DHODH: variants seen among roughly 807,000 people sequenced by gnomAD.
The protein encoded by DHODH is dihydroorotate dehydrogenase (quinone).
In DHODH, 30 loss-of-function variants were observed where a neutral mutation model predicts 39.7. The observed-to-expected ratio is 0.76, with a 90% CI of 0.57 to 1.02. The LOEUF is 1.02. DHODH is among the 50% of genes least tolerant of loss of function. The pLI, the probability that DHODH is intolerant of heterozygous loss-of-function variation, is 0.00. For synonymous variants in DHODH, 222 were observed against 213.8 expected (o/e 1.04, Z -0.34); for missense variants, 531 against 520.8 (o/e 1.02, Z -0.19).
At chr16:72,022,809 G>A (rs1343277632) in intron 6 of DHODH, among the ~76,000 whole-genome samples, 1 of 152,152 alleles carries the variant, frequency 6.6e-6, no homozygotes, top group Admixed American at 6.5e-5. Context: ...GGGTCTCTGT[G>A]GCATAGGAGA....
At chr16:72,014,350 G>A (rs2041116218) in intron 2 of DHODH, 123 bp from the exon 3 acceptor site, 3 of 933,862 alleles carry the variant, frequency 3.2e-6, no homozygotes, top group Non-Finnish European at 5.1e-6. Flanking sequence ...TTGGGGGTGG[G>A]CCCTGGGATC....
At chr16:72,021,476 C>G (rs1046036497) in intron 5 of DHODH, among the ~76,000 whole-genome samples, 165 bp downstream of exon 5, 4 of 152,206 alleles carry the variant, frequency 2.6e-5, no homozygotes, top group Non-Finnish European at 5.9e-5. Flanking sequence ...CTGATCCCCT[C>G]TCATGACACT....
chr16:72,014,773 G>A (rs1457104018), intron 3 of DHODH, 101 bp downstream of exon 3: 2 of 1,170,170 alleles, frequency 1.7e-6, no homozygotes, highest in Non-Finnish European at 2.5e-6. Flanking sequence ...CATACAATGT[G>A]GACATTCTTC....
intron 3 of DHODH, chr16:72,016,662 G>T: frequency 2.8e-6 from 1 of 359,838 alleles, no homozygotes; most frequent in Admixed American, 3.8e-5. Context: ...CTAGAGAGAT[G>T]GAGTGGCTGC....
In DHODH at chr16:72,020,706, A is replaced by G. The variant is rs190715108; in HGVS notation, c.518-418A>G. 7.2e-5 allele frequency among the ~76,000 whole-genome samples: 11 copies of G among 152,210 alleles called. No individual in the cohort carries two copies. The South Asian group carries it at 1.2e-3, about 17-fold the overall frequency. ...CATTTTGTTTTTTCTTCGCAACTGT[A>G]CATCCAGTCAACCGAGCCAAGGCCA... On this transcript the variant is annotated intron_variant, in intron 4 of 8. Transcript: ENST00000219240.
chr16:72,012,114 T>G lies in DHODH; in HGVS notation c.86T>G (p.Met29Arg). The change falls in exon 2 of 9, where the codon ATG becomes AGG. Residue 29 changes from methionine (M) to arginine (R), a missense_variant. By Grantham distance (91) the Met-to-Arg change is moderately conservative. Coordinates refer to ENST00000219240, the MANE Select transcript of DHODH (RefSeq NM_001361.5). ...GGGLLFASYL[M>R]ATGDERFYAE... Reference sequence around the variant, plus strand: ...GGACTTCTCTTCGCCTCCTACCTGATGGCCACGGGAGATGAGCGTTTCTAT... The same window carrying G: ...GGACTTCTCTTCGCCTCCTACCTGAGGGCCACGGGAGATGAGCGTTTCTAT... 1 of 1,614,156 alleles carries G rather than the reference T, an allele frequency of 6.2e-7. No homozygotes were observed. The highest frequency in any genetic ancestry group is 1.7e-5 in the Admixed American group (1 of 60,018).
intron 3 of DHODH, among the ~76,000 whole-genome samples, chr16:72,014,965 A>T (rs1198236126): frequency 6.6e-6 from 1 of 152,204 alleles, no homozygotes; most frequent in African/African-American, 2.4e-5. Flanking sequence ...GCCTGGGCTT[A>T]TTGGACTTGA....
At position 72,022,388 on chromosome 16, in the gene DHODH, G is replaced by A; in HGVS notation, c.732G>A (p.Arg244=). The A allele has an allele frequency of 6.4e-7, 1 of 1,555,594 alleles. No homozygotes were observed. Among genetic ancestry groups the A allele is most frequent in the East Asian group, 2.4e-5 (1 of 41,332 alleles). ...TGCTGCAGGAGAGGGATGGCTTGCG[G>A]AGAGTGCACAGGCCGGCAGTCCTGG... ...TKVLQERDGL[R]RVHRPAVLVK... Residue 244 remains arginine, a synonymous_variant, in exon 6 of 9, where the codon CGG becomes CGA. Coordinates refer to ENST00000219240, the MANE Select transcript of DHODH (RefSeq NM_001361.5).
chr16:72,021,389 C>A, intron 5 of DHODH, 78 bp downstream of exon 5: 1 of 1,464,796 alleles, frequency 6.8e-7, no homozygotes, highest in South Asian at 1.2e-5. Context: ...CAGGGCGAAC[C>A]TTCAGCATCA....
At chr16:72,015,879 TAATG>T (rs774702076) in intron 3 of DHODH, 22 of 985,368 alleles carry the variant, frequency 2.2e-5, no homozygotes, top group Non-Finnish European at 2.7e-5. Context: ...AGTAAACACT[TAATG>T]AATGGGTGAA....
chr16:72,022,643 T>C (rs2041233599), intron 6 of DHODH, among the ~76,000 whole-genome samples, 168 bp downstream of exon 6: 1 of 152,204 alleles, frequency 6.6e-6, no homozygotes, highest in African/African-American at 2.4e-5. Context: ...AAAGCGAATG[T>C]TGGAATAAGT....
chr16:72,014,419 G>C, intron 2 of DHODH, 54 bp from the exon 3 acceptor site: 1 of 1,550,082 alleles, frequency 6.5e-7, no homozygotes, highest in Non-Finnish European at 8.9e-7. Context: ...ACCATGCTTT[G>C]AGAAATACCG....
chr16:72,013,975 G>C (rs1180684088), intron 2 of DHODH, among the ~76,000 whole-genome samples: 1 of 152,180 alleles, frequency 6.6e-6, no homozygotes, highest in Admixed American at 6.5e-5. Context: ...GACGTGGCTG[G>C]GGCTTCTTGC....
intron 1 of DHODH, among the ~76,000 whole-genome samples, chr16:72,009,329 C>T (rs902480078): frequency 1.4e-4 from 21 of 149,762 alleles, no homozygotes; most frequent in Non-Finnish European, 2.8e-4. Context: ...AGGTGAAACC[C>T]CGTCTCTACT....
At position 72,021,247 on chromosome 16, in the gene DHODH, G is replaced by C. The variant is rs1252351238; in HGVS notation, c.641G>C (p.Ser214Thr). 1 of 1,612,904 alleles carries C rather than the reference G, an allele frequency of 6.2e-7. No homozygotes were observed. The highest frequency in any genetic ancestry group is 8.5e-7 in the Non-Finnish European group (1 of 1,179,716). The change falls in exon 5 of 9, where the codon AGC becomes ACC. Residue 214 changes from serine (S) to threonine (T), a missense_variant. Transcript: ENST00000219240. ...LADYLVVNVS[S>T]PNTAGLRSLQ... ...GACTACCTGGTGGTGAATGTGTCCA[G>C]CCCCAACACTGCCGGGCTGCGGAGC...
In DHODH at chr16:72,020,333, A is replaced by ATATATATATATATGTG. The variant is rs1567572735; in HGVS notation, c.518-778_518-777insGTGTATATATATATAT. Reference sequence around the variant, plus strand: ...TATATGTGTATATGTATATGTGTATATATATATATATATATATATATGTGT... The same window carrying ATATATATATATATGTG: ...TATATGTGTATATGTATATGTGTATATATATATATATATGTGTATATATATATATATATATATGTGT... On this transcript the variant is annotated intron_variant, in intron 4 of 8. Coordinates refer to ENST00000219240, the MANE Select transcript of DHODH (RefSeq NM_001361.5). The ATATATATATATATGTG allele has an allele frequency of 9.1e-4, 83 of 91,666 alleles. 1 individual carries two copies. The highest frequency in any genetic ancestry group is 3.7e-3 in the African/African-American group (81 of 21,780). The allele number at this position is 91,666 out of a possible 1,614,324, so 5.7% of individuals were successfully genotyped here.
chr16:72,026,996 TGTGTGTGTGTG>T lies in DHODH; in HGVS notation c.*2798_*2808del, dbSNP rs1567576035. On this transcript the variant is annotated 3_prime_UTR_variant, in exon 9 of 9. Transcript: ENST00000219240. ...GTGTGTGTGTGTGTGTGTGTGTGTG[TGTGTGTGTGTG>T]TGTTTTTGAGATGGAGTCCTGCTCT... The T allele has an allele frequency of 0.011, 1,511 of 138,648 alleles. 17 individuals are homozygous for T. The highest frequency in any genetic ancestry group is 0.018 in the Non-Finnish European group (1,090 of 62,160). The allele number at this position is 138,648 out of a possible 1,614,324, so 8.6% of individuals were successfully genotyped here.
rs147209921 is a variant in DHODH, at chr16:72,009,069, A to G, written c.21+284A>G. Reference sequence around the variant, plus strand: ...GAGCCTGGCACAGGGGTGCTTAGTGAACACATGACCGCCTAGCGTTGTGTG... The same window carrying G: ...GAGCCTGGCACAGGGGTGCTTAGTGGACACATGACCGCCTAGCGTTGTGTG... On this transcript the variant is annotated intron_variant, in intron 1 of 8. Coordinates refer to ENST00000219240, the MANE Select transcript of DHODH (RefSeq NM_001361.5). The G allele has an allele frequency of 1.8e-3, 2,472 of 1,380,804 alleles. 15 individuals are homozygous for G. The highest frequency in any genetic ancestry group is 0.012 in the African/African-American group (823 of 68,740). The allele number at this position is 1,380,804 out of a possible 1,614,324, so 85.5% of individuals were successfully genotyped here.
Position 72,024,445 on chromosome 16 carries a change from C to G in DHODH, c.*246C>G. 1.8e-6 allele frequency: 1 copy of G among 558,230 alleles called. No individual in the cohort carries two copies. The highest frequency in any genetic ancestry group is 3.2e-6 in the Non-Finnish European group (1 of 310,132). 34.6% of individuals were successfully genotyped at this position (558,230 alleles called of 1,614,324 possible). The stretch of plus-strand genomic sequence containing the variant: ...CAAACCCTAGGATCCATCAGTCTTG[C>G]AAGGACATTGAATATTAGGAGGAAA... On this transcript the variant is annotated 3_prime_UTR_variant, in exon 9 of 9. Transcript: ENST00000219240.
Sources: gnomAD v4.1 joint callset for allele counts (sites outside exome capture counted in the v4.1 genomes callset) on GRCh38, gnomAD v4.1.1 for gene constraint, MANE v1.5 for transcripts, NCBI Gene and HGNC (gene_info 2026-07-23, HGNC 2026-07-21) for gene names.